Variants in BTBD9 observed in about 807,000 individuals in gnomAD.
The protein encoded by BTBD9 is BTB domain containing 9.
Under a neutral mutation model 64.3 loss-of-function variants are expected in BTBD9, and 49 were observed. The observed-to-expected ratio is 0.76, with a 90% confidence interval of 0.61 to 0.97. The LOEUF (loss-of-function observed/expected upper bound fraction) is 0.97. Ranked by LOEUF, BTBD9 falls within the 50% of genes least tolerant of loss-of-function variation. The pLI is 0.00. For missense variants in BTBD9, 598 were observed against 762.1 expected (o/e 0.78, Z 2.53); for synonymous variants, 260 against 274.7 (o/e 0.95, Z 0.53).
intron 6 of BTBD9, among the ~76,000 whole-genome samples, chr6:38,505,782 T>C (rs1023953546): frequency 6.6e-6 from 1 of 151,274 alleles, no homozygotes; most frequent in African/African-American, 2.4e-5. Context: ...CTGGCCAATA[T>C]GGTGAAACCC....
At chr6:38,376,958 C>T (rs139345511) in intron 6 of BTBD9, among the ~76,000 whole-genome samples, 2 of 152,132 alleles carry the variant, frequency 1.3e-5, no homozygotes, top group Non-Finnish European at 2.9e-5. Context: ...TCTCCCTGGC[C>T]GGTTATTAAA....
chr6:38,516,216 A>G (rs1287772987), intron 6 of BTBD9, among the ~76,000 whole-genome samples: 1 of 152,194 alleles, frequency 6.6e-6, no homozygotes, highest in Non-Finnish European at 1.5e-5. Flanking sequence ...ACTAGAAAAT[A>G]GGAGGGAGAG....
chr6:38,351,504 G>GT (rs79539406), intron 6 of BTBD9, among the ~76,000 whole-genome samples: 2,938 of 96,412 alleles, frequency 0.03, 250 homozygotes, highest in Non-Finnish European at 0.04. Flanking sequence ...TTTAATTGTT[G>GT]TTGTTTTTTT....
At chr6:38,419,176 T>C (rs1350431037) in intron 6 of BTBD9, among the ~76,000 whole-genome samples, 3 of 152,256 alleles carry the variant, frequency 2.0e-5, no homozygotes, top group African/African-American at 7.2e-5. Context: ...TAGTTTACTA[T>C]TTTAATGCAT....
chr6:38,593,291 T>C (rs140020166), intron 3 of BTBD9, among the ~76,000 whole-genome samples: 6 of 152,304 alleles, frequency 3.9e-5, no homozygotes, highest in East Asian at 1.9e-4. Flanking sequence ...AGGAACAATG[T>C]TGCAACCCTC....
intron 7 of BTBD9, among the ~76,000 whole-genome samples, chr6:38,303,477 G>A (rs905085301): frequency 3.3e-5 from 5 of 151,956 alleles, no homozygotes; most frequent in African/African-American, 9.7e-5. Context: ...CCAGAAAGAT[G>A]GTAAGCCTCT....
At chr6:38,609,356 CAAGACCTTGTCTCAAAA>C (rs900630717) in intron 1 of BTBD9, among the ~76,000 whole-genome samples, 1 of 152,042 alleles carries the variant, frequency 6.6e-6, no homozygotes, top group African/African-American at 2.4e-5. Flanking sequence ...GATGACAGGG[CAAGACCTTGTCTCAAAA>C]AAAAAGAGTT....
chr6:38,624,038 A>G (rs1778088635), intron 1 of BTBD9, among the ~76,000 whole-genome samples: 1 of 152,150 alleles, frequency 6.6e-6, no homozygotes, highest in African/African-American at 2.4e-5. Flanking sequence ...GGGGGGATTG[A>G]GAGGTGAGGC....
intron 6 of BTBD9, among the ~76,000 whole-genome samples, chr6:38,545,874 ACACACAC>A (rs1774532288): frequency 6.7e-6 from 1 of 149,630 alleles, no homozygotes; most frequent in Admixed American, 6.6e-5. Flanking sequence ...ACACACACAC[ACACACAC>A]ACACACACAC....
intron 6 of BTBD9, among the ~76,000 whole-genome samples, chr6:38,397,958 T>G (rs1766754979): frequency 6.6e-6 from 1 of 152,118 alleles, no homozygotes; most frequent in Admixed American, 6.5e-5. Flanking sequence ...GCGGTACTAT[T>G]GGAATATATA....
chr6:38,441,479 G>A (rs891946803), intron 6 of BTBD9, among the ~76,000 whole-genome samples: 4 of 152,206 alleles, frequency 2.6e-5, no homozygotes, highest in Admixed American at 6.5e-5. Context: ...TGGACAACGC[G>A]AGCCAATCAT....
intron 6 of BTBD9, among the ~76,000 whole-genome samples, chr6:38,506,860 CA>C (rs1399459486): frequency 6.6e-6 from 1 of 152,144 alleles, no homozygotes; most frequent in East Asian, 1.9e-4. Context: ...AAATTAATAC[CA>C]TGGCATAAAC....
At chr6:38,304,978 C>CTT (rs921761846) in intron 7 of BTBD9, among the ~76,000 whole-genome samples, 2 of 146,144 alleles carry the variant, frequency 1.4e-5, no homozygotes, top group Non-Finnish European at 1.5e-5. Flanking sequence ...AGGGCAGGAA[C>CTT]TTTTTTTTTT....
chr6:38,309,325 T>C (rs1762742795), intron 7 of BTBD9, among the ~76,000 whole-genome samples: 1 of 150,976 alleles, frequency 6.6e-6, no homozygotes. Context: ...GCCGAGATCA[T>C]ACCATTGCAC....
chr6:38,292,639 T>C (rs1052315459), intron 7 of BTBD9, among the ~76,000 whole-genome samples: 1 of 152,216 alleles, frequency 6.6e-6, no homozygotes, highest in Non-Finnish European at 1.5e-5. Context: ...TGGTAGTTTA[T>C]ATTTCTGTGG....
intron 1 of BTBD9, among the ~76,000 whole-genome samples, chr6:38,630,506 GGGGCAAAA>G (rs1471241141): frequency 1.2e-4 from 18 of 152,180 alleles, no homozygotes; most frequent in Non-Finnish European, 2.1e-4. Context: ...ACAGTTCAGT[GGGGCAAAA>G]GGAGAGAGAG....
chr6:38,614,588 A>G (rs1777726476), intron 1 of BTBD9, among the ~76,000 whole-genome samples: 1 of 152,192 alleles, frequency 6.6e-6, no homozygotes, highest in Non-Finnish European at 1.5e-5. Context: ...GCCCCTCCCT[A>G]GTAAAAGCCT....
At chr6:38,536,357 A>ACC (rs1292142069) in intron 6 of BTBD9, among the ~76,000 whole-genome samples, 2 of 152,140 alleles carry the variant, frequency 1.3e-5, no homozygotes, top group Non-Finnish European at 2.9e-5. Flanking sequence ...AGAAAAGGGA[A>ACC]CCCTCGTACA....
chr6:38,190,890 T>C (rs1211610002), intron 10 of BTBD9, among the ~76,000 whole-genome samples: 2 of 152,218 alleles, frequency 1.3e-5, no homozygotes, highest in Non-Finnish European at 2.9e-5. Context: ...TTCTTAGCCT[T>C]TTCTGACTTG....
Sources: allele counts gnomAD v4.1 joint callset (sites outside exome capture counted in the v4.1 genomes callset), GRCh38; gene constraint gnomAD v4.1.1; transcripts MANE v1.5; gene names NCBI Gene and HGNC (gene_info 2026-07-23, HGNC 2026-07-21).